MGA: variants seen among roughly 807,000 people sequenced by gnomAD.
MGA encodes MAX gene-associated protein.
A neutral mutation model predicts 261.1 loss-of-function variants in MGA; 40 were observed. That is an observed-to-expected ratio of 0.15 (90% CI 0.12 to 0.20). The LOEUF (loss-of-function observed/expected upper bound fraction) is 0.20, where lower values mean the gene tolerates loss of function less well. MGA is among the 10% of genes least tolerant of loss of function. The probability of loss-of-function intolerance (pLI) is 1.00; values close to 1 mark genes in which losing one functional copy is unlikely to be tolerated. For missense variants in MGA, 3,397 were observed against 3,630.5 expected, an observed-to-expected ratio of 0.94 and a Z score of 1.65; for synonymous variants, 1,302 against 1,290.6, an observed-to-expected ratio of 1.01 and a Z score of -0.19.
chr15:41,759,464 ATTTTTTT>A (rs67238224), intron 19 of MGA, among the ~76,000 whole-genome samples: 8 of 94,610 alleles, frequency 8.5e-5, no homozygotes, highest in African/African-American at 3.2e-4. Context: ...GTGTGTGTGT[ATTTTTTT>A]TTTTTTTTTT....
chr15:41,624,077 T>G (rs1361945855), intron 1 of MGA, among the ~76,000 whole-genome samples: 1 of 151,624 alleles, frequency 6.6e-6, no homozygotes, highest in Non-Finnish European at 1.5e-5. Context: ...ATTAAATTTT[T>G]TTTTTTTTTG....
chr15:41,729,008 G>A (rs1043526081), intron 10 of MGA, among the ~76,000 whole-genome samples, 156 bp from the exon 11 acceptor site: 1 of 152,096 alleles, frequency 6.6e-6, no homozygotes, highest in African/African-American at 2.4e-5. Context: ...CTAAGGTTCG[G>A]CACATATGAA....
chr15:41,667,383 T>G (rs1326599538), intron 1 of MGA, among the ~76,000 whole-genome samples: 2 of 151,946 alleles, frequency 1.3e-5, no homozygotes, highest in Non-Finnish European at 2.9e-5. Flanking sequence ...GTACCTGGGA[T>G]TATGGGCGCA....
At chr15:41,698,833 C>G in intron 3 of MGA, 30 bp from the exon 4 acceptor site, 1 of 1,397,850 alleles carries the variant, frequency 7.2e-7, no homozygotes, top group African/African-American at 1.5e-5. Flanking sequence ...GCAATATGAA[C>G]TACTATTTTT....
chr15:41,725,092 T>G (rs1040300382), intron 9 of MGA, among the ~76,000 whole-genome samples: 2 of 152,220 alleles, frequency 1.3e-5, no homozygotes, highest in African/African-American at 4.8e-5. Flanking sequence ...CAGCTACATG[T>G]CCTCTGTGAG....
intron 8 of MGA, among the ~76,000 whole-genome samples, 152 bp downstream of exon 8, chr15:41,711,501 A>G (rs1223794933): frequency 2.6e-5 from 4 of 152,054 alleles, no homozygotes; most frequent in Admixed American, 6.6e-5. Flanking sequence ...TGTCTTCCCC[A>G]TTTGTTCTTT....
Position 41,669,607 on chromosome 15 carries a change from C to G in MGA, c.713C>G (p.Ala238Gly). The change falls in exon 2 of 24, where the codon GCT becomes GGT. Residue 238 changes from alanine to glycine, a missense_variant. Ala to Gly is a moderately conservative substitution (Grantham distance 60). This residue lies in a region of MGA where 104 missense variants were observed against 212.9 expected (regional missense o/e 0.49). Coordinates refer to ENST00000219905, the MANE Select transcript of MGA (RefSeq NM_001164273.2). ...CAGACTGAATTCTTTGCAGTAACAG[C>G]TTATCAGAACATTCAGATTACTCAG... 1 of 1,613,928 alleles carries G rather than the reference C, an allele frequency of 6.2e-7. No individual in the cohort carries two copies. Among genetic ancestry groups the G allele is most frequent in the South Asian group, 1.1e-5 (1 of 91,086 alleles).
chr15:41,729,651 A>G (rs1267689025), intron 11 of MGA, among the ~76,000 whole-genome samples: 1 of 151,556 alleles, frequency 6.6e-6, no homozygotes, highest in African/African-American at 2.4e-5. Flanking sequence ...GTGAAACCCT[A>G]TCTTTACTAA....
At chr15:41,683,224 A>AT (rs1275450320) in intron 2 of MGA, among the ~76,000 whole-genome samples, 1 of 151,638 alleles carries the variant, frequency 6.6e-6, no homozygotes, top group African/African-American at 2.4e-5. Flanking sequence ...ACTGTGCTTT[A>AT]TTTTTTTAAA....
chr15:41,622,597 A>G (rs748431780), intron 1 of MGA, among the ~76,000 whole-genome samples: 2 of 152,226 alleles, frequency 1.3e-5, no homozygotes, highest in Non-Finnish European at 2.9e-5. Flanking sequence ...CTGGGAGGAA[A>G]TCAAAAGGTA....
At chr15:41,744,311 C>T (rs535179873) in intron 15 of MGA, among the ~76,000 whole-genome samples, 1 of 152,098 alleles carries the variant, frequency 6.6e-6, no homozygotes, top group Non-Finnish European at 1.5e-5. Context: ...TCACATGATT[C>T]TCCTGCCTCA....
At chr15:41,761,598 A>T (rs2063461842) in intron 20 of MGA, 141 bp from the exon 21 acceptor site, 2 of 574,480 alleles carry the variant, frequency 3.5e-6, no homozygotes, top group Non-Finnish European at 3.1e-6. Context: ...TTTCTGAAAC[A>T]TCAACAATTG....
At chr15:41,640,352 T>C (rs771046496) in intron 1 of MGA, among the ~76,000 whole-genome samples, 10 of 152,128 alleles carry the variant, frequency 6.6e-5, no homozygotes, top group Non-Finnish European at 1.3e-4. Context: ...AACTTGGTGC[T>C]CATTGTTTGT....
intron 2 of MGA, among the ~76,000 whole-genome samples, chr15:41,674,735 G>A (rs1020147060): frequency 6.6e-6 from 1 of 152,106 alleles, no homozygotes; most frequent in Middle Eastern, 3.4e-3. Flanking sequence ...GGTCAGGATG[G>A]TCTCGATCTC....
At chr15:41,748,448 G>A (rs1376010505) in intron 15 of MGA, among the ~76,000 whole-genome samples, 189 bp from the exon 16 acceptor site, 3 of 152,152 alleles carry the variant, frequency 2.0e-5, no homozygotes, top group African/African-American at 7.2e-5. Flanking sequence ...CAGCTACTCG[G>A]TATGCTGAAG....
chr15:41,751,473 C>G (rs984702846), intron 17 of MGA: 1 of 152,112 alleles, frequency 6.6e-6, no homozygotes, highest in Non-Finnish European at 1.5e-5. Flanking sequence ...CCCATAATCC[C>G]AGCACTTTGG....
chr15:41,671,433 C>G (rs900825956), intron 2 of MGA, among the ~76,000 whole-genome samples: 10 of 152,116 alleles, frequency 6.6e-5, no homozygotes, highest in African/African-American at 2.4e-4. Flanking sequence ...AAGCGATTCT[C>G]CTGCCTCAGC....
chr15:41,758,559 A>C (rs1225144799), intron 19 of MGA, among the ~76,000 whole-genome samples: 2 of 152,166 alleles, frequency 1.3e-5, no homozygotes, highest in African/African-American at 4.8e-5. Context: ...TTAAAAATTT[A>C]TTCTGAAGCA....
chr15:41,660,291 G>C (rs2057308305), upstream of MGA: 1 of 152,504 alleles, frequency 6.6e-6, no homozygotes, highest in Non-Finnish European at 1.5e-5. Context: ...CTGCTCTGGG[G>C]CCGTTTGGAC....
Sources: allele counts gnomAD v4.1 joint callset (sites outside exome capture counted in the v4.1 genomes callset), GRCh38; gene constraint gnomAD v4.1.1; regional missense constraint gnomAD v4.1.1; transcripts MANE v1.5; gene names NCBI Gene and HGNC (gene_info 2026-07-23, HGNC 2026-07-21).